SEC16A: variants seen among roughly 807,000 people sequenced by gnomAD.
SEC16A encodes protein transport protein Sec16A.
A neutral mutation model predicts 221.9 loss-of-function variants in SEC16A; 110 were observed. The ratio of observed to expected loss-of-function variants is 0.50; its 90% CI spans 0.42 to 0.58. The LOEUF (loss-of-function observed/expected upper bound fraction) is 0.58, where lower values mean the gene tolerates loss of function less well. Ranked by LOEUF, SEC16A falls within the 20% of genes least tolerant of loss-of-function variation. The pLI is 0.00. For missense variants in SEC16A, 3,165 were observed against 3,097.8 expected (o/e 1.02, Z -0.52); for synonymous variants, 1,393 against 1,257.7 (o/e 1.11, Z -2.28).
intron 27 of SEC16A, 39 bp from the exon 28 acceptor site, chr9:136,446,988 G>A (rs372657867): frequency 4.1e-5 from 66 of 1,612,868 alleles, no homozygotes; most frequent in South Asian, 6.6e-5. Flanking sequence ...ATTCCGTCCC[G>A]AACGTCCCTG....
rs764975649 is a variant in SEC16A, at chr9:136,476,385, G to A, written c.1231C>T (p.Arg411Cys). The change falls in exon 3 of 32, where the codon CGT becomes TGT. Residue 411 changes from arginine to cysteine, a missense_variant. Around this residue, in one of 3 missense-constraint regions of SEC16A, gnomAD observed 2,030 missense variants for 1,923.1 expected, o/e 1.06. Coordinates refer to ENST00000684901, the MANE Select transcript of SEC16A (RefSeq NM_014866.2). ...CCCACGTGTGTAGGTGCGGGCGGAC[G>A]GCCTAGCCCAGGGCTGGAGCAGAAA... ...DDFCSSPGLG[R>C]PPAPTHVGAG... The A allele has an allele frequency of 1.2e-5, 20 of 1,612,710 alleles. 1 individual carries two copies. The highest frequency in any genetic ancestry group is 6.7e-5 in the African/African-American group (5 of 74,938).
Position 136,447,436 on chromosome 9 carries a change from A to T in SEC16A, c.6560-72T>A. 1.3e-6 allele frequency: 2 copies of T among 1,573,374 alleles called. No individual in the cohort carries two copies. The highest frequency in any genetic ancestry group is 1.7e-6 in the Non-Finnish European group (2 of 1,158,760). ...TCCAGCTTCCAAATGCTCTGCGCTC[A>T]CTGCGTCAGAGGAAAAGCACGCAGG... On this transcript the variant is annotated intron_variant, in intron 26 of 31. Coordinates refer to ENST00000684901, the MANE Select transcript of SEC16A (RefSeq NM_014866.2). The surrounding 1 kb of genome is among the most constrained non-coding windows in gnomAD (Gnocchi z 5.5).
chr9:136,474,707 G>A lies in SEC16A; in HGVS notation c.2909C>T (p.Ala970Val). 2 of 1,613,870 alleles carry A rather than the reference G, an allele frequency of 1.2e-6. No homozygotes were observed. The highest frequency in any genetic ancestry group is 1.7e-6 in the Non-Finnish European group (2 of 1,179,898). ...GSTSVVLVPP[A>V]HGTLVPDGNK... Reference sequence around the variant, plus strand: ...ACCATCAGGCACCAGGGTGCCGTGTGCAGGTGGAACTAACACCACACTTGT... The same window carrying A: ...ACCATCAGGCACCAGGGTGCCGTGTACAGGTGGAACTAACACCACACTTGT... The change falls in exon 3 of 32, where the codon GCA becomes GTA. Residue 970 changes from alanine (A) to valine (V), a missense_variant. Around this residue, in one of 3 missense-constraint regions of SEC16A, gnomAD observed 2,030 missense variants for 1,923.1 expected, o/e 1.06. Coordinates refer to ENST00000684901, the MANE Select transcript of SEC16A (RefSeq NM_014866.2).
chr9:136,472,031 G>C lies in SEC16A; in HGVS notation c.3648C>G (p.Pro1216=). The change falls in exon 4 of 32, where the codon CCC becomes CCG. Residue 1216 remains proline (P), a synonymous_variant. Coordinates refer to ENST00000684901, the MANE Select transcript of SEC16A (RefSeq NM_014866.2). ...ASAYAQNYRY[P]EPERPSSRAS... is the part of the protein sequence containing the mutation. ...CTCGGGAGCTGGGCCGCTCGGGCTCGGGATAGCGGTAGTTCTGGGCGTAAG... is the reference window on the plus strand; with the variant it reads ...CTCGGGAGCTGGGCCGCTCGGGCTCCGGATAGCGGTAGTTCTGGGCGTAAG... 1 of 1,612,566 alleles carries C rather than the reference G, an allele frequency of 6.2e-7. No homozygotes were observed. Among genetic ancestry groups the C allele is most frequent in the Non-Finnish European group, 8.5e-7 (1 of 1,179,878 alleles).
At chr9:136,483,838 C>G, upstream of SEC16A, 1 of 977,942 alleles carries the variant, frequency 1.0e-6, no homozygotes, top group South Asian at 4.7e-5. Flanking sequence ...AGCTGCGGGA[C>G]GCGGAGGGCC....
intron 22 of SEC16A, among the ~76,000 whole-genome samples, chr9:136,453,209 CTGAA>C (rs1177458235): frequency 1.3e-5 from 2 of 152,118 alleles, no homozygotes; most frequent in African/African-American, 4.8e-5. Flanking sequence ...TTTTACACTA[CTGAA>C]TTCTCTCTTC....
chr9:136,442,438 C>T (rs553128847), intron 31 of SEC16A, among the ~76,000 whole-genome samples: 1 of 152,232 alleles, frequency 6.6e-6, no homozygotes, highest in Non-Finnish European at 1.5e-5. Context: ...GCCCAGGAAG[C>T]CTGCAGTCAA....
chr9:136,458,883 C>T (rs914797816), intron 17 of SEC16A, among the ~76,000 whole-genome samples: 4 of 152,098 alleles, frequency 2.6e-5, no homozygotes, highest in African/African-American at 9.7e-5. Flanking sequence ...GCCTGGGCAA[C>T]AGAGTGAGAC....
chr9:136,483,454 G>GC, upstream of SEC16A: 40 of 748,968 alleles, frequency 5.3e-5, no homozygotes, highest in South Asian at 6.1e-5. Context: ...CCGCCCCTCG[G>GC]CCGTCCTTCC....
chr9:136,445,012 G>T, intron 30 of SEC16A, 40 bp downstream of exon 30: 4 of 1,566,188 alleles, frequency 2.6e-6, no homozygotes, highest in Non-Finnish European at 3.5e-6. Flanking sequence ...GGCGGCACAC[G>T]CCAGCTCTCA....
chr9:136,464,319 G>C, intron 9 of SEC16A, 101 bp downstream of exon 9: 1 of 1,143,946 alleles, frequency 8.7e-7, no homozygotes, highest in Non-Finnish European at 1.2e-6. Flanking sequence ...AAGGACGTAT[G>C]TCCAGAGACA....
chr9:136,462,573 A>C (rs925916644), intron 12 of SEC16A, among the ~76,000 whole-genome samples: 2 of 152,236 alleles, frequency 1.3e-5, no homozygotes, highest in African/African-American at 4.8e-5. Flanking sequence ...TGTCATGCAC[A>C]TTTCATCCGA....
At chr9:136,469,563 C>CT (rs1415691263) in intron 4 of SEC16A, among the ~76,000 whole-genome samples, 1 of 152,286 alleles carries the variant, frequency 6.6e-6, no homozygotes, top group East Asian at 1.9e-4. Flanking sequence ...ATGCAGGAGG[C>CT]TGAGGCAGGA....
intron 4 of SEC16A, among the ~76,000 whole-genome samples, chr9:136,470,304 AG>A (rs1315360281): frequency 6.6e-6 from 1 of 152,198 alleles, no homozygotes; most frequent in Non-Finnish European, 1.5e-5. Context: ...CTCTGGTGAA[AG>A]GCCTTCTCCG....
At position 136,451,135 on chromosome 9, in the gene SEC16A, G is replaced by A. The variant is rs146296315; in HGVS notation, c.6312+121C>T. The A allele has an allele frequency of 8.2e-4, 835 of 1,022,984 alleles. 4 individuals are homozygous for A. The African/African-American group carries it at 0.012, about 14-fold the overall frequency. 63.4% of individuals were successfully genotyped at this position (1,022,984 alleles called of 1,614,324 possible). ...CATGCCGTGTGCACTGTAGACACTC[G>A]GCTGTTTGTATCAGGAGGCTATTTG... On this transcript the variant is annotated intron_variant, in intron 23 of 31. Coordinates refer to ENST00000684901, the MANE Select transcript of SEC16A (RefSeq NM_014866.2).
chr9:136,455,543 C>T, intron 20 of SEC16A, 58 bp downstream of exon 20: 1 of 1,470,078 alleles, frequency 6.8e-7, no homozygotes, highest in Non-Finnish European at 9.1e-7. Flanking sequence ...CAGGCCATGG[C>T]TCAGCCCACA....
Position 136,463,031 on chromosome 9 carries a change from C to T in SEC16A, c.4749G>A (p.Thr1583=), listed in dbSNP as rs780156137. 6.8e-6 allele frequency: 11 copies of T among 1,612,444 alleles called. No individual in the cohort carries two copies. The Admixed American group carries it at 8.3e-5, about 12-fold the overall frequency. The part of the protein sequence containing the change: ...SPNEANLIDF[T]NEAVEQVEEE... ...CTTCCACCTGCTCCACTGCCTCATT[C>T]GTGAAATCAATCAGGTTTGCTTCAT... The change falls in exon 12 of 32, where the codon ACG becomes ACA. Residue 1583 remains threonine, a synonymous_variant. Coordinates refer to ENST00000684901, the MANE Select transcript of SEC16A (RefSeq NM_014866.2).
chr9:136,458,188 C>CT lies in SEC16A; in HGVS notation c.5410-605dup, dbSNP rs1189748220. ...GTTATTATGTTGCCCAGGCTGGTCT[C>CT]TAATTCCTGAGCTTAGGTAATCCAC... On this transcript the variant is annotated intron_variant, in intron 17 of 31. Transcript: ENST00000684901. Among the ~76,000 whole-genome samples the CT allele has an allele frequency of 2.1e-5, 3 of 141,764 alleles. No individual in the cohort carries two copies. In the Admixed American group the frequency reaches 2.2e-4, roughly 11 times the overall value. 93.0% of individuals were successfully genotyped at this position (141,764 alleles called of 152,430 possible).
At chr9:136,468,331 G>A in intron 5 of SEC16A, 84 bp downstream of exon 5, 5 of 776,110 alleles carry the variant, frequency 6.4e-6, no homozygotes, top group Non-Finnish European at 1.1e-5. Context: ...ACCAGCAGGT[G>A]CTGGCTGGCC....
Sources: gnomAD v4.1 joint callset for allele counts (sites outside exome capture counted in the v4.1 genomes callset) on GRCh38, gnomAD v4.1.1 for gene constraint, gnomAD v4.1.1 regional missense constraint, Gnocchi (gnomAD v3.1) non-coding constraint, MANE v1.5 for transcripts, NCBI Gene and HGNC (gene_info 2026-07-23, HGNC 2026-07-21) for gene names.